Variants in KSR2 observed in about 807,000 individuals in gnomAD.
KSR2 encodes kinase suppressor of ras 2.
A neutral mutation model predicts 107.8 loss-of-function variants in KSR2; 25 were observed. The observed-to-expected ratio is 0.23, with a 90% CI of 0.17 to 0.32. The LOEUF (loss-of-function observed/expected upper bound fraction) is 0.32. KSR2 is among the 10% of genes least tolerant of loss of function. KSR2 has a pLI of 1.00. For synonymous variants in KSR2, 480 were observed against 507.0 expected (o/e 0.95, Z 0.71); for missense variants, 887 against 1,268.9 (o/e 0.70, Z 4.57).
intron 3 of KSR2, among the ~76,000 whole-genome samples, chr12:117,820,503 C>T (rs1041893806): frequency 2.0e-5 from 3 of 152,262 alleles, no homozygotes; most frequent in East Asian, 3.9e-4. Flanking sequence ...TAAGCCTAAT[C>T]GGATAAATCA....
At chr12:117,965,395 G>C (rs554426897) in intron 1 of KSR2, among the ~76,000 whole-genome samples, 56 of 152,324 alleles carry the variant, frequency 3.7e-4, no homozygotes, top group Non-Finnish European at 8.1e-4. Context: ...TCATGCAGCT[G>C]AACACATGCC....
rs567298986 is a variant in KSR2 at position 117,505,531 on chromosome 12, C to T, written c.2219+19321G>A. On this transcript the variant is annotated intron_variant, in intron 14 of 19. Coordinates refer to ENST00000339824, the MANE Select transcript of KSR2 (RefSeq NM_173598.6). Reference sequence around the variant, plus strand: ...ATTTCCTGGAGTCTGATCTGTAAAACAGTGACAATCACATTCTCCTCTCAG... The same window carrying T: ...ATTTCCTGGAGTCTGATCTGTAAAATAGTGACAATCACATTCTCCTCTCAG... Among the ~76,000 whole-genome samples the T allele has an allele frequency of 1.5e-4, 23 of 152,342 alleles. 2 individuals carry two copies. In the East Asian group the frequency reaches 3.3e-3, roughly 22 times the overall value.
chr12:117,824,632 G>T (rs571947406), intron 3 of KSR2, among the ~76,000 whole-genome samples: 2 of 151,894 alleles, frequency 1.3e-5, no homozygotes, highest in African/African-American at 4.8e-5. Flanking sequence ...CGAGGCGGGC[G>T]GATCACGAGG....
intron 1 of KSR2, among the ~76,000 whole-genome samples, chr12:117,948,643 C>G (rs1896268350): frequency 1.3e-5 from 2 of 152,098 alleles, no homozygotes; most frequent in African/African-American, 4.8e-5. Flanking sequence ...AAAGGCAATT[C>G]AGTGGAGAAA....
intron 1 of KSR2, among the ~76,000 whole-genome samples, chr12:117,947,191 G>GAAAAGA (rs796859926): frequency 1.8e-4 from 19 of 107,544 alleles, no homozygotes; most frequent in African/African-American, 7.3e-4. Flanking sequence ...AGAAAGAAAA[G>GAAAAGA]AAAGAAAAGA....
chr12:117,793,404 CACACAT>C (rs1314934649), intron 3 of KSR2, among the ~76,000 whole-genome samples: 4 of 149,542 alleles, frequency 2.7e-5, no homozygotes, highest in African/African-American at 4.9e-5. Context: ...TACCAACATG[CACACAT>C]ACACACCAAA....
chr12:117,684,044 G>A lies in KSR2; in HGVS notation c.987-16386C>T, dbSNP rs191017138. On this transcript the variant is annotated intron_variant, in intron 4 of 19. Transcript: ENST00000339824. ...CCAACCACTGTTCTAATAGGATCTA[G>A]ACTTACCTGAAAGTTGGGAAGTGAA... 1.8e-4 allele frequency among the ~76,000 whole-genome samples: 28 copies of A among 152,308 alleles called. No homozygotes were observed. In the East Asian group the frequency reaches 3.1e-3, roughly 17 times the overall value.
intron 3 of KSR2, among the ~76,000 whole-genome samples, chr12:117,809,551 A>C (rs1891126125): frequency 6.6e-6 from 1 of 152,222 alleles, no homozygotes; most frequent in Non-Finnish European, 1.5e-5. Context: ...TTTCCTGGCC[A>C]CTTAAACTAA....
intron 4 of KSR2, among the ~76,000 whole-genome samples, chr12:117,730,661 G>A (rs543770326): frequency 1.3e-4 from 20 of 152,300 alleles, no homozygotes; most frequent in African/African-American, 3.8e-4. Flanking sequence ...GGCACGCGCC[G>A]CCACGCCTGA....
At chr12:117,820,644 C>CA (rs1196618899) in intron 3 of KSR2, among the ~76,000 whole-genome samples, 2 of 152,112 alleles carry the variant, frequency 1.3e-5, no homozygotes, top group African/African-American at 4.8e-5. Flanking sequence ...CACCACCCAA[C>CA]ATCACCCAAC....
At chr12:117,827,889 C>CA (rs758933405) in intron 3 of KSR2, among the ~76,000 whole-genome samples, 1 of 152,202 alleles carries the variant, frequency 6.6e-6, no homozygotes, top group Non-Finnish European at 1.5e-5. Context: ...AATCCTCAGC[C>CA]AACTAATTCC....
intron 4 of KSR2, among the ~76,000 whole-genome samples, chr12:117,696,193 T>C (rs890463025): frequency 6.6e-6 from 1 of 152,114 alleles, no homozygotes; most frequent in Non-Finnish European, 1.5e-5. Context: ...CAAAGCCACC[T>C]GCCACCTGCC....
At chr12:117,628,206 T>C (rs925272732) in intron 5 of KSR2, among the ~76,000 whole-genome samples, 1 of 152,298 alleles carries the variant, frequency 6.6e-6, no homozygotes, top group Non-Finnish European at 1.5e-5. Flanking sequence ...TGTTAACTCG[T>C]CAAAGTCATT....
At chr12:117,727,097 CT>C (rs1241341794) in intron 4 of KSR2, among the ~76,000 whole-genome samples, 2 of 151,886 alleles carry the variant, frequency 1.3e-5, no homozygotes, top group South Asian at 2.1e-4. Flanking sequence ...GAAAAGAGGG[CT>C]TGTGTGCTGG....
intron 3 of KSR2, among the ~76,000 whole-genome samples, chr12:117,784,363 G>A (rs7137915): frequency 0.57 from 87,266 of 152,094 alleles, 26,732 homozygotes; most frequent in African/African-American, 0.78. Context: ...CATGTAAGAC[G>A]TCCCTTTGCT....
At chr12:117,658,855 C>A (rs1884299170) in intron 5 of KSR2, among the ~76,000 whole-genome samples, 1 of 152,140 alleles carries the variant, frequency 6.6e-6, no homozygotes, top group African/African-American at 2.4e-5. Flanking sequence ...GCAGAAAGAT[C>A]GTGCAACCTG....
intron 14 of KSR2, among the ~76,000 whole-genome samples, chr12:117,498,157 C>T (rs528512978): frequency 6.6e-6 from 1 of 152,054 alleles, no homozygotes; most frequent in Non-Finnish European, 1.5e-5. Flanking sequence ...AAACCTTCAC[C>T]TCTTTTCAGG....
At chr12:117,959,175 G>A (rs373920359) in intron 1 of KSR2, among the ~76,000 whole-genome samples, 4 of 152,160 alleles carry the variant, frequency 2.6e-5, no homozygotes, top group East Asian at 1.9e-4. Flanking sequence ...ATTGGTTCAT[G>A]GTCTATTAAG....
At position 117,900,745 on chromosome 12, in the gene KSR2, G is replaced by C. The variant is rs115007799; in HGVS notation, c.181-40314C>G. ...TTAAGAATGCACCCAACATGACAAT[G>C]TGTTGAGTCACACACTCACTATAGC... On this transcript the variant is annotated intron_variant, in intron 1 of 19. Coordinates refer to ENST00000339824, the MANE Select transcript of KSR2 (RefSeq NM_173598.6). Among the ~76,000 whole-genome samples, 1,118 of 152,270 alleles carry C rather than the reference G, an allele frequency of 7.3e-3. 7 individuals carry two copies. The highest frequency in any genetic ancestry group is 0.026 in the African/African-American group (1,068 of 41,540).
Sources: gnomAD v4.1 joint callset for allele counts (sites outside exome capture counted in the v4.1 genomes callset) on GRCh38, gnomAD v4.1.1 for gene constraint, MANE v1.5 for transcripts, NCBI Gene and HGNC (gene_info 2026-07-23, HGNC 2026-07-21) for gene names.